Variants in FAT1 observed in about 807,000 individuals in gnomAD.
FAT1 encodes the protein FAT atypical cadherin 1.
In FAT1, 171 loss-of-function variants were observed where a neutral mutation model predicts 329.8. The observed-to-expected ratio is 0.52, with a 90% CI of 0.46 to 0.59. FAT1 has a LOEUF of 0.59. Among genes scored for constraint, FAT1 ranks in the 20% least tolerant of loss-of-function variants. The pLI, the probability that FAT1 is intolerant of heterozygous loss-of-function variation, is 0.00. For missense variants in FAT1, 5,672 were observed against 5,774.4 expected (o/e 0.98, Z 0.57); for synonymous variants, 2,233 against 2,228.6 (o/e 1.00, Z -0.06).
At chr4:186,682,720 G>T (rs922798700) in intron 2 of FAT1, among the ~76,000 whole-genome samples, 2 of 152,106 alleles carry the variant, frequency 1.3e-5, no homozygotes, top group African/African-American at 4.8e-5. Context: ...GAGGACACTG[G>T]GTCTGGCAGG....
intron 26 of FAT1, among the ~76,000 whole-genome samples, chr4:186,591,948 A>G (rs1345935604): frequency 6.6e-6 from 1 of 152,182 alleles, no homozygotes; most frequent in East Asian, 1.9e-4. Context: ...CGGCACCATC[A>G]GAGCTACCTG....
At chr4:186,679,604 GA>G (rs201653200) in intron 2 of FAT1, among the ~76,000 whole-genome samples, 2,306 of 145,498 alleles carry the variant, frequency 0.016, 63 homozygotes, top group African/African-American at 0.054. Context: ...TTCAACATGG[GA>G]AAAAAAAAAA....
In FAT1 at chr4:186,597,964, A is replaced by G. The variant is rs760293297; in HGVS notation, c.12257+8T>C. The G allele has an allele frequency of 1.3e-6, 2 of 1,594,170 alleles. No individual in the cohort carries two copies. Among genetic ancestry groups the G allele is most frequent in the Non-Finnish European group, 1.7e-6 (2 of 1,173,036 alleles). Reference sequence around the variant, plus strand: ...ATTGATTATGAAAGTTAAGAAAAATACACATACCTCTGACCAGTATATAAT... The same window carrying G: ...ATTGATTATGAAAGTTAAGAAAAATGCACATACCTCTGACCAGTATATAAT... On this transcript the variant is annotated splice_region_variant and intron_variant, in intron 23 of 26. Coordinates refer to ENST00000441802, the MANE Select transcript of FAT1 (RefSeq NM_005245.4).
rs369520687 is a variant in FAT1 at position 186,609,854 on chromosome 4, T to C, written c.10015A>G (p.Thr3339Ala). Residue 3339 changes from threonine to alanine, a missense_variant, in exon 15 of 27, where the codon ACC (threonine) becomes GCC (alanine). Coordinates refer to ENST00000441802, the MANE Select transcript of FAT1 (RefSeq NM_005245.4). Reference sequence around the variant, plus strand: ...TCTTCACTGATGACTGTCGTGTAGGTGTCTTGGCTGAACACAGGGGTATTA... The same window carrying C: ...TCTTCACTGATGACTGTCGTGTAGGCGTCTTGGCTGAACACAGGGGTATTA... ...NDNTPVFSQD[T>A]YTTVISEDAV... The C allele has an allele frequency of 9.9e-6, 16 of 1,612,930 alleles. No homozygotes were observed. The African/African-American group carries it at 2.0e-4, about 20-fold the overall frequency.
At position 186,706,958 on chromosome 4, in the gene FAT1, C is replaced by A. The variant is rs2126684363; in HGVS notation, c.2870G>T (p.Gly957Val). ...MWLEAHDPDL[G>V]QSGQVRYSLL... ...GCTGTATCTCACCTGACCAGACTGA[C>A]CTAAATCAGGATCGTGGGCTTCTAA... Residue 957 changes from glycine to valine, a missense_variant, in exon 2 of 27, where the codon GGT becomes GTT. Coordinates refer to ENST00000441802, the MANE Select transcript of FAT1 (RefSeq NM_005245.4). The A allele has an allele frequency of 2.5e-6, 4 of 1,613,984 alleles. No individual in the cohort carries two copies. Among genetic ancestry groups the A allele is most frequent in the Non-Finnish European group, 3.4e-6 (4 of 1,179,890 alleles).
Position 186,602,931 on chromosome 4 carries a change from A to T in FAT1, c.11454T>A (p.Cys3818Ter). ...DPWEEKHTCV[C>*]PSGRFGQCPG... is the part of the protein sequence containing the mutation. ...GGCACTGACCAAACCTGCCGCTGGG[A>T]CAGACACAGGTGTGTTTCTCCTCCC... The change falls in exon 20 of 27, where the codon TGT becomes TGA. Residue 3818 changes from cysteine (C) to a stop codon, truncating the protein, a stop_gained. Coordinates refer to ENST00000441802, the MANE Select transcript of FAT1 (RefSeq NM_005245.4). LOFTEE classifies it high-confidence loss of function. The T allele has an allele frequency of 6.2e-7, 1 of 1,613,970 alleles. No homozygotes were observed. Among genetic ancestry groups the T allele is most frequent in the Non-Finnish European group, 8.5e-7 (1 of 1,179,854 alleles).
At chr4:186,639,674 A>G (rs768228583) in intron 4 of FAT1, 48 bp downstream of exon 4, 2 of 1,238,510 alleles carry the variant, frequency 1.6e-6, no homozygotes, top group Non-Finnish European at 2.3e-6. Context: ...TTCCCATGAT[A>G]CTTGTAACTA....
intron 1 of FAT1, among the ~76,000 whole-genome samples, chr4:186,720,382 CA>C (rs36092214): frequency 3.3e-5 from 5 of 151,776 alleles, no homozygotes; most frequent in African/African-American, 1.2e-4. Context: ...TCTACCTAGA[CA>C]AAAAAAAGAA....
At chr4:186,716,660 G>A (rs1745221674) in intron 1 of FAT1, among the ~76,000 whole-genome samples, 1 of 152,098 alleles carries the variant, frequency 6.6e-6, no homozygotes, top group Non-Finnish European at 1.5e-5. Context: ...TCAACTGATC[G>A]ACCTGCCTGG....
chr4:186,641,008 A>T (rs1741066380), intron 3 of FAT1, among the ~76,000 whole-genome samples: 1 of 152,218 alleles, frequency 6.6e-6, no homozygotes, highest in Non-Finnish European at 1.5e-5. Flanking sequence ...CACATTTAAG[A>T]ATAGACATTA....
chr4:186,707,362 A>G lies in FAT1; in HGVS notation c.2466T>C (p.Phe822=), dbSNP rs1325084814. ...CTTCCACAAAATAGCTCTCCTGTAA[A>G]AACTCGGGTGGATTATCATTGGCAT... ...VVDANDNPPE[F]LQESYFVEVS... is the part of the protein sequence containing the mutation. Residue 822 remains phenylalanine (F), a synonymous_variant, in exon 2 of 27, where the codon TTT becomes TTC. Transcript: ENST00000441802. The G allele has an allele frequency of 6.2e-7, 1 of 1,613,838 alleles. No homozygotes were observed. The highest frequency in any genetic ancestry group is 8.5e-7 in the Non-Finnish European group (1 of 1,179,902).
intron 2 of FAT1, among the ~76,000 whole-genome samples, chr4:186,700,383 C>T (rs1744247247): frequency 6.6e-6 from 1 of 152,230 alleles, no homozygotes; most frequent in Admixed American, 6.5e-5. Flanking sequence ...GCTACAGGCA[C>T]TCACCTGGAT....
At chr4:186,650,039 T>A (rs1741560381) in intron 3 of FAT1, among the ~76,000 whole-genome samples, 1 of 152,234 alleles carries the variant, frequency 6.6e-6, no homozygotes, top group South Asian at 2.1e-4. Context: ...AAATGTTTTA[T>A]GGCTTGGTAG....
Position 186,609,287 on chromosome 4 carries a change from T to A in FAT1, c.10102A>T (p.Ser3368Cys). ...TCTATAATTGAGTAGTGGATGTGGC[T>A]GTTGGAAGGTCCATCGGCATCATCG... ...MADDADGPSN[S>C]HIHYSIIDGN... The change falls in exon 16 of 27, where the codon AGC becomes TGC. Residue 3368 changes from serine (S) to cysteine (C), a missense_variant. Ser to Cys is a moderately radical substitution (Grantham distance 112). Around this residue, in one of 2 missense-constraint regions of FAT1, gnomAD observed 1,706 missense variants for 1,859.1 expected, o/e 0.92. Coordinates refer to ENST00000441802, the MANE Select transcript of FAT1 (RefSeq NM_005245.4). 2 of 1,614,070 alleles carry A rather than the reference T, an allele frequency of 1.2e-6. No individual in the cohort carries two copies. The highest frequency in any genetic ancestry group is 2.2e-5 in the South Asian group (2 of 91,088).
chr4:186,661,763 C>T (rs1389478845), intron 3 of FAT1, among the ~76,000 whole-genome samples: 1 of 152,142 alleles, frequency 6.6e-6, no homozygotes, highest in Admixed American at 6.5e-5. Context: ...GGAACCGTCA[C>T]TTGGAGCTGG....
intron 3 of FAT1, among the ~76,000 whole-genome samples, chr4:186,649,052 C>A (rs1445471352): frequency 6.6e-6 from 1 of 151,992 alleles, no homozygotes; most frequent in Non-Finnish European, 1.5e-5. Context: ...ATAAGAAATA[C>A]ACAGTATTTC....
At chr4:186,599,459 A>G (rs1738688942) in intron 22 of FAT1, among the ~76,000 whole-genome samples, 1 of 152,188 alleles carries the variant, frequency 6.6e-6, no homozygotes, top group South Asian at 2.1e-4. Context: ...GGAGGGATTC[A>G]GGGCCTTCTG....
rs544313675 is a variant in FAT1 at position 186,709,578 on chromosome 4, T to C, written c.250A>G (p.Lys84Glu). Residue 84 changes from lysine to glutamate, a missense_variant, in exon 2 of 27, where the codon AAA (lysine) becomes GAA (glutamate). Physicochemically the swap from Lys to Glu is moderately conservative, Grantham distance 56. This residue lies in a region of FAT1 where 3,966 missense variants were observed against 3,915.2 expected (regional missense o/e 1.01). Transcript: ENST00000441802. ...IVSGDSENLF[K>E]AEEYILGDFC... ...TCTCCGAGAATGTACTCTTCAGCTTTGAACAGGTTTTCACTGTCTCCGGAA... is the reference window on the plus strand; with the variant it reads ...TCTCCGAGAATGTACTCTTCAGCTTCGAACAGGTTTTCACTGTCTCCGGAA... 1.2e-6 allele frequency: 2 copies of C among 1,614,054 alleles called. No homozygotes were observed. The highest frequency in any genetic ancestry group is 2.2e-5 in the East Asian group (1 of 44,886).
intron 1 of FAT1, among the ~76,000 whole-genome samples, chr4:186,710,558 A>C (rs1744902673): frequency 6.6e-6 from 1 of 152,210 alleles, no homozygotes; most frequent in South Asian, 2.1e-4. Flanking sequence ...GCAATTTACA[A>C]AAGAAAAACC....
Sources: gnomAD v4.1 joint callset for allele counts (sites outside exome capture counted in the v4.1 genomes callset) on GRCh38, gnomAD v4.1.1 for gene constraint, gnomAD v4.1.1 regional missense constraint, MANE v1.5 for transcripts, NCBI Gene and HGNC (gene_info 2026-07-23, HGNC 2026-07-21) for gene names.